BABAM2: variants seen among roughly 807,000 people sequenced by gnomAD.
BABAM2 encodes BRISC and BRCA1-A complex member 2.
A neutral mutation model predicts 54.7 loss-of-function variants in BABAM2; 31 were observed. The observed-to-expected ratio is 0.57, with a 90% CI of 0.43 to 0.77. The LOEUF (loss-of-function observed/expected upper bound fraction) is 0.77, where lower values mean the gene tolerates loss of function less well. Among genes scored for constraint, BABAM2 ranks in the 30% least tolerant of loss-of-function variants. The probability of loss-of-function intolerance (pLI) is 0.00; values close to 1 mark genes in which losing one functional copy is unlikely to be tolerated. For synonymous variants in BABAM2, 167 were observed against 162.9 expected (o/e 1.03, Z -0.19); for missense variants, 364 against 455.8 (o/e 0.80, Z 1.83).
intron 6 of BABAM2, among the ~76,000 whole-genome samples, chr2:28,104,101 C>G (rs1197915432): frequency 1.3e-5 from 2 of 152,112 alleles, no homozygotes; most frequent in East Asian, 3.9e-4. Flanking sequence ...GGAAGAAAAC[C>G]TAGGCAATAC....
chr2:27,912,783 A>T (rs1192935042), intron 2 of BABAM2, among the ~76,000 whole-genome samples: 1 of 152,192 alleles, frequency 6.6e-6, no homozygotes, highest in Non-Finnish European at 1.5e-5. Context: ...TGAATCCAAG[A>T]ATATGTTGGA....
intron 3 of BABAM2, among the ~76,000 whole-genome samples, chr2:27,935,827 C>A (rs1428261963): frequency 9.2e-5 from 14 of 152,200 alleles, no homozygotes; most frequent in Admixed American, 7.9e-4. Context: ...CAGGACCCTG[C>A]AGTAGCAAAG....
chr2:28,092,903 T>C (rs13016086), intron 6 of BABAM2, among the ~76,000 whole-genome samples: 11,199 of 152,088 alleles, frequency 0.074, 590 homozygotes, highest in Non-Finnish European at 0.11. Flanking sequence ...CATCCGACAG[T>C]CCCTGGGCAC....
chr2:28,282,944 G>C (rs1187779890), intron 10 of BABAM2, among the ~76,000 whole-genome samples: 1 of 126,530 alleles, frequency 7.9e-6, no homozygotes, highest in Non-Finnish European at 1.5e-5. Flanking sequence ...GTTGCAGTGA[G>C]CCAAGATCAC....
At chr2:27,951,949 T>C (rs1669760748) in intron 3 of BABAM2, among the ~76,000 whole-genome samples, 1 of 152,238 alleles carries the variant, frequency 6.6e-6, no homozygotes. Context: ...TTCTGCATCA[T>C]TCTTCTATCA....
chr2:28,167,150 T>C (rs1055850519), intron 7 of BABAM2, among the ~76,000 whole-genome samples: 3 of 152,204 alleles, frequency 2.0e-5, no homozygotes, highest in Non-Finnish European at 4.4e-5. Context: ...GCATATGTTC[T>C]TCATTCTGAT....
chr2:28,162,327 C>T (rs1055151982), intron 7 of BABAM2, among the ~76,000 whole-genome samples: 5 of 152,060 alleles, frequency 3.3e-5, no homozygotes, highest in East Asian at 1.9e-4. Context: ...ACTTAAGTAA[C>T]GGTTAAAGTA....
At chr2:27,964,200 C>T (rs1573279291) in intron 3 of BABAM2, among the ~76,000 whole-genome samples, 1 of 152,304 alleles carries the variant, frequency 6.6e-6, no homozygotes, top group East Asian at 1.9e-4. Context: ...CATGTACCTG[C>T]TTTCCCTTCC....
chr2:28,171,498 A>G (rs1674318708), intron 7 of BABAM2, among the ~76,000 whole-genome samples: 1 of 152,202 alleles, frequency 6.6e-6, no homozygotes. Flanking sequence ...CCTTCTGGCT[A>G]GGGAGTGGAG....
chr2:28,186,985 T>G (rs1243024229), intron 7 of BABAM2, among the ~76,000 whole-genome samples: 1 of 152,122 alleles, frequency 6.6e-6, no homozygotes, highest in East Asian at 1.9e-4. Context: ...TTTTGTATTT[T>G]TAGTAGAGAC....
At chr2:28,026,654 C>T (rs1371042570) in intron 5 of BABAM2, among the ~76,000 whole-genome samples, 1 of 147,018 alleles carries the variant, frequency 6.8e-6, no homozygotes, top group African/African-American at 2.6e-5. Flanking sequence ...ATGGGTGCAG[C>T]AAACCACCAT....
At chr2:28,299,037 T>C (rs1687913410) in intron 11 of BABAM2, among the ~76,000 whole-genome samples, 1 of 152,218 alleles carries the variant, frequency 6.6e-6, no homozygotes, top group Non-Finnish European at 1.5e-5. Flanking sequence ...AGTCAACACC[T>C]GGAGCCGGTA....
intron 3 of BABAM2, among the ~76,000 whole-genome samples, chr2:27,931,500 A>G (rs753561977): frequency 1.9e-4 from 29 of 152,170 alleles, no homozygotes; most frequent in Non-Finnish European, 1.2e-4. Context: ...TACATGAAGC[A>G]TCAGCCTGTT....
intron 3 of BABAM2, among the ~76,000 whole-genome samples, chr2:27,943,451 T>C (rs1163624947): frequency 6.6e-6 from 1 of 152,212 alleles, no homozygotes; most frequent in Non-Finnish European, 1.5e-5. Context: ...TTTGCCACAC[T>C]GTTTTGGCTT....
In BABAM2 at chr2:28,293,282, G is replaced by T. The variant is rs1040779098; in HGVS notation, c.935-5056G>T. ...TTTGGCTATTCATTTTTCCATTGTT[G>T]AGGTGTTTGGAGAAGTGAGAAATTT... On this transcript the variant is annotated intron_variant, in intron 10 of 11. Transcript: ENST00000379624. Among the ~76,000 whole-genome samples the T allele has an allele frequency of 2.8e-4, 43 of 152,104 alleles. 1 individual carries two copies. The highest frequency in any genetic ancestry group is 9.7e-4 in the African/African-American group (40 of 41,406).
intron 10 of BABAM2, among the ~76,000 whole-genome samples, chr2:28,269,571 C>T (rs185609193): frequency 1.3e-5 from 2 of 152,154 alleles, no homozygotes; most frequent in Non-Finnish European, 2.9e-5. Flanking sequence ...TAAAATGTTC[C>T]CTTCTCATAC....
At chr2:28,043,246 T>G (rs1296620750) in intron 5 of BABAM2, among the ~76,000 whole-genome samples, 1 of 150,092 alleles carries the variant, frequency 6.7e-6, no homozygotes, top group Non-Finnish European at 1.5e-5. Flanking sequence ...TTCTCATGCC[T>G]CAGCCGCCCC....
chr2:28,105,941 T>C (rs1164059234), intron 6 of BABAM2, among the ~76,000 whole-genome samples: 1 of 116,646 alleles, frequency 8.6e-6, no homozygotes, highest in Non-Finnish European at 1.7e-5. Context: ...AGCTCCTGTC[T>C]TTTTTTTTTT....
At chr2:28,165,742 C>T (rs1441088271) in intron 7 of BABAM2, among the ~76,000 whole-genome samples, 1 of 151,800 alleles carries the variant, frequency 6.6e-6, no homozygotes, top group Non-Finnish European at 1.5e-5. Context: ...ACCATGTTGG[C>T]CAGGATGGTC....
Sources: allele counts gnomAD v4.1 joint callset (sites outside exome capture counted in the v4.1 genomes callset), GRCh38; gene constraint gnomAD v4.1.1; transcripts MANE v1.5; gene names NCBI Gene and HGNC (gene_info 2026-07-23, HGNC 2026-07-21).